RPTOR: variants seen among roughly 807,000 people sequenced by gnomAD.
RPTOR encodes regulatory-associated protein of mTOR.
A neutral mutation model predicts 169.9 loss-of-function variants in RPTOR; 21 were observed. That is an observed-to-expected ratio of 0.12 (90% CI 0.09 to 0.18). RPTOR has a LOEUF of 0.18. RPTOR is among the 10% of genes least tolerant of loss of function. The probability of loss-of-function intolerance (pLI) is 1.00; values close to 1 mark genes in which losing one functional copy is unlikely to be tolerated. For missense variants in RPTOR, 1,133 were observed against 1,855.9 expected (o/e 0.61, Z 7.16); for synonymous variants, 732 against 753.2 (o/e 0.97, Z 0.46).
Position 80,728,121 on chromosome 17 carries a change from A to G in RPTOR, c.508-2439A>G, listed in dbSNP as rs182024687. Among the ~76,000 whole-genome samples the G allele has an allele frequency of 1.2e-4, 18 of 152,296 alleles. No individual in the cohort carries two copies. The East Asian group carries it at 3.5e-3, about 29-fold the overall frequency. ...TCTAATAAAGAGCATGAAACTTAGA[A>G]TCATTTTTGATTCATTTTTCTTCTG... On this transcript the variant is annotated intron_variant, in intron 4 of 33. Coordinates refer to ENST00000306801, the MANE Select transcript of RPTOR (RefSeq NM_020761.3).
intron 3 of RPTOR, among the ~76,000 whole-genome samples, chr17:80,669,638 C>T (rs1437060895): frequency 6.6e-6 from 1 of 152,242 alleles, no homozygotes; most frequent in African/African-American, 2.4e-5. Flanking sequence ...CCCGCCTTGG[C>T]CTCCTGAAGT....
chr17:80,619,909 G>A (rs1250776136), intron 1 of RPTOR, among the ~76,000 whole-genome samples: 1 of 152,132 alleles, frequency 6.6e-6, no homozygotes, highest in Non-Finnish European at 1.5e-5. Flanking sequence ...ACTGCTTGAC[G>A]GCCCCCAGCC....
intron 3 of RPTOR, among the ~76,000 whole-genome samples, chr17:80,661,537 G>A (rs1375779797): frequency 1.3e-5 from 2 of 152,134 alleles, no homozygotes; most frequent in Non-Finnish European, 2.9e-5. Context: ...GGGGAGACCT[G>A]GTGTTTTGCA....
At chr17:80,894,330 C>G (rs2068371571) in intron 20 of RPTOR, among the ~76,000 whole-genome samples, 1 of 152,200 alleles carries the variant, frequency 6.6e-6, no homozygotes, top group Non-Finnish European at 1.5e-5. Context: ...GGACAGCCCC[C>G]ACACAGTGTC....
Position 80,882,199 on chromosome 17 carries a change from C to G in RPTOR, c.1585-1220C>G, listed in dbSNP as rs560985086. On this transcript the variant is annotated intron_variant, in intron 14 of 33. Coordinates refer to ENST00000306801, the MANE Select transcript of RPTOR (RefSeq NM_020761.3). ...CGGGCTGGGAACGTTCACCATGTAG[C>G]CAGCATGGTTCAGAATGAGAGGAGA... 2.5e-4 allele frequency among the ~76,000 whole-genome samples: 38 copies of G among 152,182 alleles called. 1 individual carries two copies. In the South Asian group the frequency reaches 6.0e-3, roughly 24 times the overall value.
chr17:80,639,322 C>T (rs1419903822), intron 2 of RPTOR, among the ~76,000 whole-genome samples: 2 of 151,474 alleles, frequency 1.3e-5, no homozygotes, highest in Non-Finnish European at 2.9e-5. Flanking sequence ...ATACACGGTA[C>T]AAAGAACTAC....
chr17:80,880,599 A>G, intron 14 of RPTOR, 110 bp downstream of exon 14: 1 of 1,036,660 alleles, frequency 9.6e-7, no homozygotes, highest in Non-Finnish European at 1.5e-6. Flanking sequence ...AGAAAGGTCA[A>G]GGGTCACAGC....
rs1187942534 is a variant in RPTOR, at chr17:80,659,011, C to T, written c.348+15201C>T. Among the ~76,000 whole-genome samples, 1 of 152,168 alleles carries T rather than the reference C, an allele frequency of 6.6e-6. No homozygotes were observed. Among genetic ancestry groups the T allele is most frequent in the Non-Finnish European group, 1.5e-5 (1 of 68,034 alleles). On this transcript the variant is annotated intron_variant, in intron 3 of 33. Coordinates refer to ENST00000306801, the MANE Select transcript of RPTOR (RefSeq NM_020761.3). This position sits in a 1 kb window ranked among gnomAD's most constrained non-coding sequence, Gnocchi z 4.3. ...ATGGCCTGGACTCAGCTGTTGCTGT[C>T]AGCACAGTGTGGACTTGAGGGCATG...
At chr17:80,555,610 G>T (rs963680729) in intron 1 of RPTOR, among the ~76,000 whole-genome samples, 1 of 152,208 alleles carries the variant, frequency 6.6e-6, no homozygotes, top group Admixed American at 6.5e-5. Flanking sequence ...ATTACAATAC[G>T]CAAGTATAGG....
At chr17:80,932,146 C>CATATATATATATATATATATATAT (rs57950527) in intron 24 of RPTOR, among the ~76,000 whole-genome samples, 3 of 145,872 alleles carry the variant, frequency 2.1e-5, no homozygotes, top group Non-Finnish European at 4.5e-5. Flanking sequence ...TCCAGGCATG[C>CATATATATATATATATATATATAT]ATATATATAT....
intron 11 of RPTOR, among the ~76,000 whole-genome samples, chr17:80,853,959 C>T (rs1004755814): frequency 1.2e-4 from 18 of 150,448 alleles, no homozygotes; most frequent in Admixed American, 5.3e-4. Context: ...CCAGCCTGGG[C>T]GACCGAGTGA....
intron 24 of RPTOR, among the ~76,000 whole-genome samples, chr17:80,927,787 G>C (rs2068830747): frequency 6.6e-6 from 1 of 151,228 alleles, no homozygotes; most frequent in Non-Finnish European, 1.5e-5. Context: ...CCCCAAGCCA[G>C]CGTCTCCTCT....
intron 6 of RPTOR, among the ~76,000 whole-genome samples, chr17:80,770,398 T>C (rs1437813463): frequency 1.3e-5 from 2 of 152,088 alleles, no homozygotes; most frequent in East Asian, 1.9e-4. Flanking sequence ...TGAGAAGACA[T>C]GTTCGTATCT....
chr17:80,647,218 T>G lies in RPTOR; in HGVS notation c.348+3408T>G, dbSNP rs80259587. On this transcript the variant is annotated intron_variant, in intron 3 of 33. Transcript: ENST00000306801. Reference sequence around the variant, plus strand: ...TGTTTCTTCTGATTAAATTTAAGGCTTTGCCTTATTACCTTGTAGGTGTAT... The same window carrying G: ...TGTTTCTTCTGATTAAATTTAAGGCGTTGCCTTATTACCTTGTAGGTGTAT... Among the ~76,000 whole-genome samples the G allele has an allele frequency of 3.6e-3, 542 of 152,336 alleles. 3 individuals carry two copies. The highest frequency in any genetic ancestry group is 0.012 in the African/African-American group (510 of 41,566).
At chr17:80,601,418 C>T (rs1048384559) in intron 1 of RPTOR, among the ~76,000 whole-genome samples, 17 of 152,254 alleles carry the variant, frequency 1.1e-4, no homozygotes, top group Admixed American at 4.6e-4. Context: ...CTCAGGGGCA[C>T]GCAGGTTCCG....
intron 6 of RPTOR, among the ~76,000 whole-genome samples, chr17:80,787,989 A>T (rs543791447): frequency 6.6e-6 from 1 of 152,290 alleles, no homozygotes; most frequent in South Asian, 2.1e-4. Flanking sequence ...GATCCCCTTC[A>T]GCGTCTCTTG....
At chr17:80,892,579 T>C (rs963624888) in intron 18 of RPTOR, 150 bp from the exon 19 acceptor site, 32 of 803,106 alleles carry the variant, frequency 4.0e-5, no homozygotes, top group African/African-American at 2.8e-4. Flanking sequence ...CACGTCTGAG[T>C]CTCCCTGAGC....
chr17:80,769,266 C>T (rs963495144), intron 6 of RPTOR, among the ~76,000 whole-genome samples: 3 of 152,196 alleles, frequency 2.0e-5, no homozygotes, highest in African/African-American at 7.2e-5. Context: ...TTAGCCTCTT[C>T]TTTGGTTTCT....
chr17:80,851,500 GAA>G (rs11342238), intron 11 of RPTOR, among the ~76,000 whole-genome samples: 15,423 of 151,668 alleles, frequency 0.1, 830 homozygotes, highest in East Asian at 0.18. Context: ...TAATGTTTGA[GAA>G]AAAAAAAACA....
Sources: gnomAD v4.1 joint callset for allele counts (sites outside exome capture counted in the v4.1 genomes callset) on GRCh38, gnomAD v4.1.1 for gene constraint, Gnocchi (gnomAD v3.1) non-coding constraint, MANE v1.5 for transcripts, NCBI Gene and HGNC (gene_info 2026-07-23, HGNC 2026-07-21) for gene names.